RBPJ: variants seen among roughly 807,000 people sequenced by gnomAD.
The protein encoded by RBPJ is recombining binding protein suppressor of hairless.
A neutral mutation model predicts 67.8 loss-of-function variants in RBPJ; 9 were observed. The observed-to-expected ratio is 0.13, with a 90% CI of 0.08 to 0.23. The LOEUF is 0.23. Among genes scored for constraint, RBPJ ranks in the 10% least tolerant of loss-of-function variants. The probability of loss-of-function intolerance (pLI) is 1.00; values close to 1 mark genes in which losing one functional copy is unlikely to be tolerated. For missense variants in RBPJ, 305 were observed against 595.6 expected, an observed-to-expected ratio of 0.51 and a Z score of 5.08; for synonymous variants, 198 against 203.3, an observed-to-expected ratio of 0.97 and a Z score of 0.22.
intron 1 of RBPJ, among the ~76,000 whole-genome samples, chr4:26,285,820 AT>A (rs1721445906): frequency 6.6e-6 from 1 of 152,214 alleles, no homozygotes; most frequent in South Asian, 2.1e-4. Flanking sequence ...CTGAATATAA[AT>A]TACTATGTGT....
At position 26,174,555 on chromosome 4, in the gene RBPJ, C is replaced by T. The variant is rs541042933; in HGVS notation, c.-167+10941C>T. Reference sequence around the variant, plus strand: ...TGCGATCTCACCTCACGGCAACCTCCGCCTCCCAGGTTCAAGAGATTCTCC... The same window carrying T: ...TGCGATCTCACCTCACGGCAACCTCTGCCTCCCAGGTTCAAGAGATTCTCC... On this transcript the variant is annotated intron_variant, in intron 1 of 4. Transcript: ENST00000512351. Among the ~76,000 whole-genome samples the T allele has an allele frequency of 3.9e-5, 6 of 152,240 alleles. No individual in the cohort carries two copies. In the East Asian group the frequency reaches 7.7e-4, roughly 20 times the overall value.
chr4:26,195,845 C>T (rs982349426), intron 1 of RBPJ, among the ~76,000 whole-genome samples: 27 of 152,178 alleles, frequency 1.8e-4, no homozygotes, highest in Admixed American at 2.6e-4. Flanking sequence ...CTGCCTGCCT[C>T]GGCCTCCCAA....
At chr4:26,412,693 A>T (rs1038949265) in intron 3 of RBPJ, among the ~76,000 whole-genome samples, 2 of 152,284 alleles carry the variant, frequency 1.3e-5, no homozygotes, top group African/African-American at 4.8e-5. Context: ...TAGCTGATAC[A>T]CCAATTTACT....
chr4:26,195,342 G>A (rs1442339919), intron 1 of RBPJ, among the ~76,000 whole-genome samples: 3 of 152,138 alleles, frequency 2.0e-5, no homozygotes, highest in Admixed American at 2.0e-4. Context: ...TCCATCAACT[G>A]GTGAATGGAT....
chr4:26,360,615 A>G (rs926551765), intron 1 of RBPJ, among the ~76,000 whole-genome samples: 15 of 135,302 alleles, frequency 1.1e-4, no homozygotes, highest in Non-Finnish European at 2.2e-4. Context: ...TTTTTTTGAG[A>G]CAGAGTCTCA....
chr4:26,226,124 G>A (rs1470097226), intron 1 of RBPJ, among the ~76,000 whole-genome samples: 1 of 150,032 alleles, frequency 6.7e-6, no homozygotes, highest in Non-Finnish European at 1.5e-5. Flanking sequence ...ACTCCAGCCT[G>A]GGTGACAGAG....
chr4:26,395,769 G>A (rs915191288), intron 2 of RBPJ, among the ~76,000 whole-genome samples: 4 of 152,100 alleles, frequency 2.6e-5, no homozygotes, highest in Admixed American at 6.5e-5. Flanking sequence ...CTTCACAAAC[G>A]GACTAAGACG....
At chr4:26,232,415 T>C (rs1337051451) in intron 1 of RBPJ, among the ~76,000 whole-genome samples, 2 of 152,034 alleles carry the variant, frequency 1.3e-5, no homozygotes, top group African/African-American at 4.8e-5. Flanking sequence ...CCTTAATTAC[T>C]TTTTGTAGAG....
chr4:26,271,702 A>AT (rs1720921346), intron 1 of RBPJ, among the ~76,000 whole-genome samples: 1 of 152,124 alleles, frequency 6.6e-6, no homozygotes. Flanking sequence ...CCAAAGTGTC[A>AT]TTTTGGGGAT....
At chr4:26,352,967 G>C (rs1333581541) in intron 1 of RBPJ, among the ~76,000 whole-genome samples, 6 of 152,126 alleles carry the variant, frequency 3.9e-5, no homozygotes, top group Non-Finnish European at 8.8e-5. Flanking sequence ...TTATGTACCG[G>C]TAGCTTTGTT....
chr4:26,260,531 C>G (rs966213068), intron 1 of RBPJ, among the ~76,000 whole-genome samples: 1 of 152,140 alleles, frequency 6.6e-6, no homozygotes, highest in Non-Finnish European at 1.5e-5. Context: ...CAACTGTTAC[C>G]TGTCCATTCT....
At chr4:26,391,684 C>T (rs1299475538) in intron 2 of RBPJ, among the ~76,000 whole-genome samples, 1 of 152,064 alleles carries the variant, frequency 6.6e-6, no homozygotes, top group Non-Finnish European at 1.5e-5. Context: ...GAAAAGGACT[C>T]TGAAAAGTAA....
intron 2 of RBPJ, among the ~76,000 whole-genome samples, chr4:26,397,189 G>C (rs1247144984): frequency 6.6e-6 from 1 of 152,156 alleles, no homozygotes; most frequent in Non-Finnish European, 1.5e-5. Flanking sequence ...ATTGAGACAC[G>C]CTTCTTTGTA....
intron 1 of RBPJ, among the ~76,000 whole-genome samples, chr4:26,375,241 A>G (rs1182309115): frequency 1.3e-5 from 2 of 151,104 alleles, no homozygotes; most frequent in Non-Finnish European, 3.0e-5. Flanking sequence ...GTGAGCCGAG[A>G]TCATGTCACT....
chr4:26,301,576 A>C (rs1460777359), intron 1 of RBPJ, among the ~76,000 whole-genome samples: 2 of 150,152 alleles, frequency 1.3e-5, no homozygotes, highest in African/African-American at 2.5e-5. Flanking sequence ...TGGGTGACAG[A>C]GCGAGACTCT....
chr4:26,420,776 A>G (rs774383932), intron 5 of RBPJ, 51 bp downstream of exon 5: 2 of 1,432,826 alleles, frequency 1.4e-6, no homozygotes, highest in South Asian at 2.9e-5. Context: ...AATTAATAAG[A>G]CAGACTCTTT....
intron 1 of RBPJ, among the ~76,000 whole-genome samples, chr4:26,193,792 C>A (rs1433165770): frequency 6.6e-6 from 1 of 152,134 alleles, no homozygotes; most frequent in Non-Finnish European, 1.5e-5. Context: ...CCATAGCCCC[C>A]TCTTATGCTC....
chr4:26,290,163 C>A (rs1721619083), intron 1 of RBPJ, among the ~76,000 whole-genome samples: 2 of 149,244 alleles, frequency 1.3e-5, no homozygotes. Flanking sequence ...GACCCCACCT[C>A]CCATCTCTAC....
At chr4:26,190,313 T>C (rs975140110) in intron 1 of RBPJ, among the ~76,000 whole-genome samples, 2 of 152,136 alleles carry the variant, frequency 1.3e-5, no homozygotes, top group Non-Finnish European at 2.9e-5. Flanking sequence ...GATACCCAAC[T>C]TCTAAGGCAA....
Sources: gnomAD v4.1 joint callset for allele counts (sites outside exome capture counted in the v4.1 genomes callset) on GRCh38, gnomAD v4.1.1 for gene constraint, MANE v1.5 for transcripts, NCBI Gene and HGNC (gene_info 2026-07-23, HGNC 2026-07-21) for gene names.